Variants in NELL1 observed in about 807,000 individuals in gnomAD.
The protein encoded by NELL1 is protein kinase C-binding protein NELL1.
NELL1 carries 76 observed loss-of-function variants against 107.4 expected under a neutral mutation model. That is an observed-to-expected ratio of 0.71 (90% CI 0.59 to 0.86). The LOEUF (loss-of-function observed/expected upper bound fraction) is 0.86, where lower values mean the gene tolerates loss of function less well. NELL1 is among the 40% of genes least tolerant of loss of function. The pLI, the probability that NELL1 is intolerant of heterozygous loss-of-function variation, is 0.00. For synonymous variants in NELL1, 353 were observed against 341.2 expected, an observed-to-expected ratio of 1.03 and a Z score of -0.38; for missense variants, 1,024 against 1,005.5, an observed-to-expected ratio of 1.02 and a Z score of -0.25.
At chr11:21,163,199 G>T (rs892953668) in intron 13 of NELL1, among the ~76,000 whole-genome samples, 1 of 152,172 alleles carries the variant, frequency 6.6e-6, no homozygotes, top group Non-Finnish European at 1.5e-5. Flanking sequence ...GCTGTCAAAA[G>T]GGAGTGGCAG....
At chr11:20,761,283 G>T (rs437797) in intron 2 of NELL1, among the ~76,000 whole-genome samples, 130,016 of 152,164 alleles carry the variant, frequency 0.85, 55,593 homozygotes, top group East Asian at 0.95. Context: ...ACAGTAGCCA[G>T]TCACTTGGGC....
At chr11:20,859,859 A>G (rs888587968) in intron 4 of NELL1, among the ~76,000 whole-genome samples, 2 of 152,178 alleles carry the variant, frequency 1.3e-5, no homozygotes, top group African/African-American at 4.8e-5. Flanking sequence ...GCAATTTTTC[A>G]TGGACATTAG....
At chr11:21,379,424 T>C (rs1005950932) in intron 15 of NELL1, among the ~76,000 whole-genome samples, 1 of 152,120 alleles carries the variant, frequency 6.6e-6, no homozygotes, top group African/African-American at 2.4e-5. Context: ...CCTCTCACAG[T>C]ATCCAAGTGT....
chr11:21,373,861 T>C (rs945120454), intron 15 of NELL1, among the ~76,000 whole-genome samples: 2 of 152,104 alleles, frequency 1.3e-5, no homozygotes, highest in African/African-American at 4.8e-5. Context: ...ACAATTAGCA[T>C]GGAGATGTGT....
At chr11:21,331,836 T>C (rs1850279256) in intron 14 of NELL1, among the ~76,000 whole-genome samples, 1 of 152,056 alleles carries the variant, frequency 6.6e-6, no homozygotes, top group African/African-American at 2.4e-5. Context: ...ATCAGCCTTC[T>C]CTTAATTGCT....
chr11:21,495,318 T>TTA (rs1452152302), intron 15 of NELL1, among the ~76,000 whole-genome samples: 1 of 152,150 alleles, frequency 6.6e-6, no homozygotes, highest in Non-Finnish European at 1.5e-5. Flanking sequence ...TTCACTCATG[T>TTA]TATAGCATGT....
chr11:20,931,277 A>T (rs1850612497), intron 9 of NELL1, among the ~76,000 whole-genome samples: 1 of 152,130 alleles, frequency 6.6e-6, no homozygotes, highest in South Asian at 2.1e-4. Context: ...AGCCAAGTTA[A>T]ATATTTTGAA....
intron 3 of NELL1, among the ~76,000 whole-genome samples, chr11:20,839,245 G>A (rs1590339717): frequency 6.6e-6 from 1 of 152,278 alleles, no homozygotes; most frequent in East Asian, 1.9e-4. Flanking sequence ...TGGGCATAAA[G>A]AGCCTGAATT....
At chr11:21,341,230 T>C (rs1850557408) in intron 14 of NELL1, among the ~76,000 whole-genome samples, 1 of 152,178 alleles carries the variant, frequency 6.6e-6, no homozygotes, top group Non-Finnish European at 1.5e-5. Flanking sequence ...AAAGGCAGAA[T>C]GTTGCAGGTT....
At chr11:20,773,698 A>G (rs1590280626) in intron 2 of NELL1, 1 of 151,992 alleles carries the variant, frequency 6.6e-6, no homozygotes, top group African/African-American at 2.4e-5. Flanking sequence ...GGGTTTTGCA[A>G]TGTTGGCCAG....
At chr11:20,830,159 C>A (rs988406037) in intron 3 of NELL1, among the ~76,000 whole-genome samples, 28 of 151,510 alleles carry the variant, frequency 1.8e-4, no homozygotes, top group African/African-American at 6.8e-4. Context: ...GTAATCTCAG[C>A]TACTTGGGAG....
intron 15 of NELL1, among the ~76,000 whole-genome samples, chr11:21,484,199 G>C (rs543335627): frequency 6.7e-6 from 1 of 149,094 alleles, no homozygotes; most frequent in South Asian, 2.1e-4. Context: ...TGTCCCTATT[G>C]CTGTTTTTCC....
At chr11:21,247,584 A>G (rs559928923) in intron 14 of NELL1, among the ~76,000 whole-genome samples, 3 of 152,260 alleles carry the variant, frequency 2.0e-5, no homozygotes, top group African/African-American at 4.8e-5. Flanking sequence ...GTCATCTCCA[A>G]TGGTAACAGT....
In NELL1 at chr11:20,671,116, T is replaced by G. The variant is rs372741306; in HGVS notation, c.55+1338T>G. The G allele has an allele frequency of 1.3e-4, 20 of 152,486 alleles. 1 individual carries two copies. The highest frequency in any genetic ancestry group is 1.0e-3 in the Admixed American group (16 of 15,312). 9.4% of individuals were successfully genotyped at this position (152,486 alleles called of 1,614,324 possible). ...GATTTCTCAAGGGACAAAAGAAACC[T>G]CCCATTCCGTTCCTTACCTCTATCC... On this transcript the variant is annotated intron_variant, in intron 1 of 19. Coordinates refer to ENST00000357134, the MANE Select transcript of NELL1 (RefSeq NM_006157.5).
intron 2 of NELL1, among the ~76,000 whole-genome samples, chr11:20,721,358 CATACAAT>C (rs972063463): frequency 6.6e-6 from 1 of 151,842 alleles, no homozygotes. Flanking sequence ...ATCTCAGTGA[CATACAAT>C]ATCAAGAGTT....
intron 12 of NELL1, among the ~76,000 whole-genome samples, chr11:20,994,862 C>A (rs1852054751): frequency 6.6e-6 from 1 of 152,276 alleles, no homozygotes; most frequent in South Asian, 2.1e-4. Flanking sequence ...GAGGCTGTTG[C>A]AATAAAATGT....
At chr11:21,364,442 T>G (rs1851166984) in intron 14 of NELL1, among the ~76,000 whole-genome samples, 1 of 143,512 alleles carries the variant, frequency 7.0e-6, no homozygotes, top group Non-Finnish European at 1.5e-5. Flanking sequence ...AAAAAAGACT[T>G]CATTCCCCTA....
chr11:20,735,292 G>A (rs1025135147), intron 2 of NELL1, among the ~76,000 whole-genome samples: 8 of 152,126 alleles, frequency 5.3e-5, no homozygotes, highest in African/African-American at 1.9e-4. Context: ...AACTACCCAA[G>A]ACTGGGTAAT....
At chr11:21,453,976 G>T in intron 15 of NELL1, among the ~76,000 whole-genome samples, 1 of 149,590 alleles carries the variant, frequency 6.7e-6, no homozygotes, top group Non-Finnish European at 1.5e-5. Context: ...TGTGCACATT[G>T]TGCAGGTTAG....
Sources: allele counts gnomAD v4.1 joint callset (sites outside exome capture counted in the v4.1 genomes callset), GRCh38; gene constraint gnomAD v4.1.1; transcripts MANE v1.5; gene names NCBI Gene and HGNC (gene_info 2026-07-23, HGNC 2026-07-21).